The following QTGAL variants were observed in gnomAD, a reference collection of about 807,000 sequenced individuals.
The protein encoded by QTGAL is queuosine-tRNA galactosyltransferase.
chr17:82,966,970 A>C, the QTGAL span, among the ~76,000 whole-genome samples: 3 of 152,214 alleles, frequency 2.0e-5, no homozygotes, highest in Non-Finnish European at 4.4e-5. Flanking sequence ...CTCAGCACCC[A>C]TTAATAAGAA....
chr17:83,048,183 C>T, the QTGAL span, among the ~76,000 whole-genome samples: 307 of 152,290 alleles, frequency 2.0e-3, 1 homozygote, highest in African/African-American at 5.8e-3. Flanking sequence ...TGTGCCACTA[C>T]GCCCGGCTAA....
the QTGAL span, chr17:82,947,175 A>C: frequency 1.9e-6 from 1 of 534,790 alleles, no homozygotes; most frequent in Non-Finnish European, 3.3e-6. Context: ...CTTGTACCAC[A>C]GGCCCTGTTG....
chr17:82,950,382 C>T, the QTGAL span, among the ~76,000 whole-genome samples: 15 of 152,238 alleles, frequency 9.9e-5, no homozygotes, highest in East Asian at 5.8e-4. Flanking sequence ...CACAAGGAGA[C>T]GTGGAGTGGG....
At chr17:82,979,238 G>A in the QTGAL span, 1 of 152,284 alleles carries the variant, frequency 6.6e-6, no homozygotes, top group East Asian at 1.9e-4. Context: ...ATAAAAAAGT[G>A]AGAGGACCCA....
At chr17:82,997,046 G>A in the QTGAL span, among the ~76,000 whole-genome samples, 14 of 152,246 alleles carry the variant, frequency 9.2e-5, no homozygotes, top group African/African-American at 2.4e-4. Flanking sequence ...ATGGGCAGAC[G>A]GGATCACATC....
the QTGAL span, chr17:83,005,448 C>T: frequency 3.8e-5 from 24 of 627,064 alleles, no homozygotes; most frequent in African/African-American, 9.0e-5. This position sits in a 1 kb window ranked among gnomAD's most constrained non-coding sequence, Gnocchi z 5.6. Context: ...GCCCTGGACG[C>T]GCATCTCGGC....
the QTGAL span, among the ~76,000 whole-genome samples, chr17:83,010,166 C>G: frequency 6.6e-6 from 1 of 151,928 alleles, no homozygotes; most frequent in East Asian, 1.9e-4. Context: ...CTGGGGAGCT[C>G]GTTCAACCAC....
the QTGAL span, chr17:83,007,354 A>G: frequency 1.2e-6 from 1 of 836,176 alleles, no homozygotes; most frequent in Non-Finnish European, 1.4e-6. Flanking sequence ...GTTTCTGTGC[A>G]TCCTGCATAG....
the QTGAL span, among the ~76,000 whole-genome samples, chr17:83,000,953 TGGGGAG>T: frequency 1.6e-3 from 247 of 152,254 alleles, 3 homozygotes; most frequent in South Asian, 0.017. Flanking sequence ...TTGCATGGTG[TGGGGAG>T]GGCTCCGGGA....
the QTGAL span, among the ~76,000 whole-genome samples, chr17:83,001,241 A>C: frequency 1.3e-5 from 2 of 152,254 alleles, no homozygotes; most frequent in Admixed American, 1.3e-4. Flanking sequence ...CTGTTAAATG[A>C]GACCAGGGAG....
chr17:83,034,297 G>A, the QTGAL span, among the ~76,000 whole-genome samples: 1 of 152,194 alleles, frequency 6.6e-6, no homozygotes, highest in East Asian at 1.9e-4. Context: ...CATCTTTTAA[G>A]TACCATATTT....
the QTGAL span, among the ~76,000 whole-genome samples, chr17:82,952,048 G>A: frequency 0.041 from 6,224 of 152,302 alleles, 172 homozygotes; most frequent in South Asian, 0.099. Flanking sequence ...GCTGCCACAC[G>A]CCTGTAATTT....
At chr17:82,969,969 C>T in the QTGAL span, among the ~76,000 whole-genome samples, 3 of 152,286 alleles carry the variant, frequency 2.0e-5, no homozygotes, top group East Asian at 1.9e-4. Context: ...TGTGAGTCAC[C>T]GTGCCTGGCC....
At chr17:82,957,406 G>T in the QTGAL span, 1 of 1,613,112 alleles carries the variant, frequency 6.2e-7, no homozygotes, top group Non-Finnish European at 8.5e-7. Flanking sequence ...CGGCGCCCCT[G>T]CTTGCCAGCG....
At chr17:82,993,324 T>C in the QTGAL span, among the ~76,000 whole-genome samples, 1 of 152,110 alleles carries the variant, frequency 6.6e-6, no homozygotes, top group Non-Finnish European at 1.5e-5. Context: ...GCTATACTTA[T>C]ATTGAGGGTC....
At chr17:83,049,001 G>C in the QTGAL span, 1 of 541,470 alleles carries the variant, frequency 1.8e-6, no homozygotes, top group Non-Finnish European at 3.3e-6. Context: ...AAAAAAAACT[G>C]AAAGGACTTT....
the QTGAL span, among the ~76,000 whole-genome samples, chr17:83,029,151 T>A: frequency 1.3e-5 from 2 of 152,196 alleles, no homozygotes. Context: ...CACAGGCGTG[T>A]GAGCTGTCAA....
At chr17:83,013,090 C>T in the QTGAL span, among the ~76,000 whole-genome samples, 3 of 152,148 alleles carry the variant, frequency 2.0e-5, no homozygotes, top group African/African-American at 4.8e-5. Context: ...GACATATTTG[C>T]GGTTCCTAAA....
the QTGAL span, among the ~76,000 whole-genome samples, chr17:82,952,524 TAC>T: frequency 6.6e-6 from 1 of 152,152 alleles, no homozygotes; most frequent in East Asian, 1.9e-4. Flanking sequence ...ATCCTAAATA[TAC>T]ACACACCTAA....
Sources: gnomAD v4.1 joint callset for allele counts (sites outside exome capture counted in the v4.1 genomes callset) on GRCh38, gnomAD v4.1.1 for gene constraint, Gnocchi (gnomAD v3.1) non-coding constraint, MANE v1.5 for transcripts, NCBI Gene and HGNC (gene_info 2026-07-23, HGNC 2026-07-21) for gene names.